Variants in LIMD1 observed in about 807,000 individuals in gnomAD.
The protein encoded by LIMD1 is LIM domain-containing protein 1.
Under a neutral mutation model 58.4 loss-of-function variants are expected in LIMD1, and 23 were observed. The observed-to-expected ratio is 0.39, with a 90% CI of 0.28 to 0.56. LIMD1 has a LOEUF of 0.56. Ranked by LOEUF, LIMD1 falls within the 20% of genes least tolerant of loss-of-function variation. LIMD1 has a pLI of 0.57. For missense variants in LIMD1, 838 were observed against 855.5 expected (o/e 0.98, Z 0.25); for synonymous variants, 334 against 345.5 (o/e 0.97, Z 0.37).
intron 1 of LIMD1, among the ~76,000 whole-genome samples, chr3:45,605,613 G>A (rs1338693618): frequency 6.6e-6 from 1 of 152,196 alleles, no homozygotes. Context: ...AATTTGCTTG[G>A]AAGAGTGCAT....
At chr3:45,676,803 A>G in intron 7 of LIMD1, 119 bp from the exon 8 acceptor site, 1 of 979,770 alleles carries the variant, frequency 1.0e-6, no homozygotes, top group Non-Finnish European at 1.6e-6. Flanking sequence ...CTGCACTGGC[A>G]TTTCCTGCCT....
Position 45,594,805 on chromosome 3 carries a change from A to ACACACACACACAC in LIMD1, c.-74_-62dup, listed in dbSNP as rs1241322139. 66 of 451,276 alleles carry ACACACACACACAC rather than the reference A, an allele frequency of 1.5e-4. No homozygotes were observed. The highest frequency in any genetic ancestry group is 1.4e-3 in the South Asian group (50 of 35,284). The allele number at this position is 451,276 out of a possible 1,614,324, so 28.0% of individuals were successfully genotyped here. A position where few individuals can be genotyped will look rare whatever the true frequency, so the allele number is the denominator to read the frequency against. ...CACACACACACACACACACACACAC[A>ACACACACACACAC]CACACACACACACACACACACACAC... On this transcript the variant is annotated 5_prime_UTR_variant, in exon 1 of 8. Transcript: ENST00000273317.
At chr3:45,659,711 G>A (rs1697401672) in intron 2 of LIMD1, among the ~76,000 whole-genome samples, 1 of 152,092 alleles carries the variant, frequency 6.6e-6, no homozygotes, top group South Asian at 2.1e-4. Flanking sequence ...TCATTTATAT[G>A]TACTCTGGTT....
chr3:45,674,416 A>ACCCCAACCCCCCC lies in LIMD1; in HGVS notation c.1893+9_1893+10insAACCCCCCCCCCC. The ACCCCAACCCCCCC allele has an allele frequency of 6.2e-7, 1 of 1,607,848 alleles. No homozygotes were observed. The highest frequency in any genetic ancestry group is 8.5e-7 in the Non-Finnish European group (1 of 1,175,052). ...GTGGAGTGTTACCACTGCGAGGTAGACCCCTCCCCACCCAGCCCCCAAAGC... is the reference window on the plus strand; with the variant it reads ...GTGGAGTGTTACCACTGCGAGGTAGACCCCAACCCCCCCCCCCTCCCCACCCAGCCCCCAAAGC... On this transcript the variant is annotated splice_donor_region_variant and intron_variant, in intron 7 of 7. Coordinates refer to ENST00000273317, the MANE Select transcript of LIMD1 (RefSeq NM_014240.3).
chr3:45,665,750 T>C (rs1209225090), intron 3 of LIMD1, 33 bp downstream of exon 3: 3 of 1,599,952 alleles, frequency 1.9e-6, no homozygotes. Flanking sequence ...CCCTTGCATG[T>C]CCTGGCCAGA....
chr3:45,665,178 G>A (rs373079253), intron 2 of LIMD1, among the ~76,000 whole-genome samples: 1 of 151,938 alleles, frequency 6.6e-6, no homozygotes, highest in East Asian at 1.9e-4. Context: ...GAAAAAGATA[G>A]GAAAATAATA....
chr3:45,619,656 G>A (rs570765439), intron 1 of LIMD1, among the ~76,000 whole-genome samples: 5 of 151,862 alleles, frequency 3.3e-5, no homozygotes, highest in Non-Finnish European at 5.9e-5. Context: ...AAAATTAGCC[G>A]GGTGTGGTGA....
chr3:45,627,109 C>A (rs1284274442), intron 1 of LIMD1, among the ~76,000 whole-genome samples: 1 of 152,086 alleles, frequency 6.6e-6, no homozygotes, highest in Non-Finnish European at 1.5e-5. Flanking sequence ...CACTCCATGC[C>A]CAGGGTTCCA....
intron 4 of LIMD1, among the ~76,000 whole-genome samples, chr3:45,671,159 T>A (rs899271699): frequency 3.3e-5 from 5 of 152,212 alleles, no homozygotes; most frequent in African/African-American, 9.7e-5. Context: ...TTACTGCAGA[T>A]TGAGAGGGCC....
At chr3:45,614,540 T>C (rs1701558835) in intron 1 of LIMD1, among the ~76,000 whole-genome samples, 1 of 150,882 alleles carries the variant, frequency 6.6e-6, no homozygotes, top group Non-Finnish European at 1.5e-5. Context: ...CTGGGCAACA[T>C]GGTGAAACTT....
chr3:45,662,178 T>A (rs1697450214), intron 2 of LIMD1, among the ~76,000 whole-genome samples: 1 of 152,248 alleles, frequency 6.6e-6, no homozygotes, highest in Admixed American at 6.5e-5. Flanking sequence ...GACTGTTACT[T>A]GAGTTATTTT....
intron 1 of LIMD1, among the ~76,000 whole-genome samples, chr3:45,603,477 C>T (rs1385239861): frequency 6.6e-6 from 1 of 151,960 alleles, no homozygotes; most frequent in Non-Finnish European, 1.5e-5. Context: ...GGGACTGCCA[C>T]CAGAATGCCT....
At chr3:45,631,779 C>T (rs1350551052) in intron 1 of LIMD1, among the ~76,000 whole-genome samples, 3 of 152,208 alleles carry the variant, frequency 2.0e-5, no homozygotes, top group Admixed American at 6.5e-5. Flanking sequence ...CGTGAAGACG[C>T]TGGCCACCCT....
intron 2 of LIMD1, among the ~76,000 whole-genome samples, chr3:45,639,503 G>T (rs1440937350): frequency 1.3e-5 from 2 of 152,136 alleles, no homozygotes; most frequent in East Asian, 3.9e-4. Context: ...GGCAGATGAG[G>T]TGTCTGTTGA....
intron 4 of LIMD1, among the ~76,000 whole-genome samples, chr3:45,670,257 T>C (rs60267006): frequency 0.042 from 6,348 of 152,342 alleles, 145 homozygotes; most frequent in African/African-American, 0.068. Flanking sequence ...TTTATGAGTA[T>C]GATTATACCC....
chr3:45,653,915 AAAAAAAAAAAAGAAAAAG>A (rs1388585536), intron 2 of LIMD1, among the ~76,000 whole-genome samples: 21 of 145,568 alleles, frequency 1.4e-4, no homozygotes, highest in Middle Eastern at 6.9e-3. Context: ...CTCAAAAAAA[AAAAAAAAAAAAGAAAAAG>A]AAAAAAAAAA....
chr3:45,656,315 A>T (rs1180582979), intron 2 of LIMD1, among the ~76,000 whole-genome samples: 1 of 152,238 alleles, frequency 6.6e-6, no homozygotes, highest in East Asian at 1.9e-4. Context: ...CTTTTGGAAC[A>T]GAAAACAAGA....
rs562618054 is a variant in LIMD1, at chr3:45,600,744, A to G, written c.1408+4457A>G. ...CATGTGATCCACCTATCTTCCTCACACTGGTCCTCTTCTCCCTTTCTAAGG... is the reference window on the plus strand; with the variant it reads ...CATGTGATCCACCTATCTTCCTCACGCTGGTCCTCTTCTCCCTTTCTAAGG... On this transcript the variant is annotated intron_variant, in intron 1 of 7. Coordinates refer to ENST00000273317, the MANE Select transcript of LIMD1 (RefSeq NM_014240.3). 2.0e-5 allele frequency among the ~76,000 whole-genome samples: 3 copies of G among 152,216 alleles called. No individual in the cohort carries two copies. In the South Asian group the frequency reaches 6.2e-4, roughly 32 times the overall value.
intron 1 of LIMD1, among the ~76,000 whole-genome samples, chr3:45,605,082 A>T (rs1701455076): frequency 6.6e-6 from 1 of 152,268 alleles, no homozygotes; most frequent in Non-Finnish European, 1.5e-5. Context: ...TCTGGGCCTG[A>T]TACCACCAGC....
Sources: allele counts gnomAD v4.1 joint callset (sites outside exome capture counted in the v4.1 genomes callset), GRCh38; gene constraint gnomAD v4.1.1; transcripts MANE v1.5; gene names NCBI Gene and HGNC (gene_info 2026-07-23, HGNC 2026-07-21).